Variants in DNHD1 observed in about 807,000 individuals in gnomAD.
DNHD1 encodes dynein heavy chain domain-containing protein 1.
In DNHD1, 383 loss-of-function variants were observed where a neutral mutation model predicts 458.1. That is an observed-to-expected ratio of 0.84 (90% confidence interval 0.77 to 0.91). The LOEUF is 0.91. DNHD1 is among the 40% of genes least tolerant of loss of function. The pLI is 0.00. For synonymous variants in DNHD1, 2,203 were observed against 2,376.9 expected, an observed-to-expected ratio of 0.93 and a Z score of 2.13; for missense variants, 5,336 against 5,866.1, an observed-to-expected ratio of 0.91 and a Z score of 2.95.
At chr11:6,510,735 C>A (rs1026864436) in intron 6 of DNHD1, among the ~76,000 whole-genome samples, 1 of 152,178 alleles carries the variant, frequency 6.6e-6, no homozygotes, top group African/African-American at 2.4e-5. Flanking sequence ...AAATGATGCC[C>A]ATTGTGACCA....
rs1852284481 is a variant in DNHD1 at position 6,509,071 on chromosome 11, A to C, written c.1112A>C (p.Lys371Thr). The C allele has an allele frequency of 6.2e-7, 1 of 1,614,116 alleles. No homozygotes were observed. The highest frequency in any genetic ancestry group is 8.5e-7 in the Non-Finnish European group (1 of 1,180,048). ...TTCTTTAAGTATTGCCTCTTACGCA[A>C]GTCCTTTACCTGGTAGGTAATGACG... Reference protein sequence around the residue: ...IPFFKYCLLRKSFTCWKKNVR... With the variant: ...IPFFKYCLLRTSFTCWKKNVR... Residue 371 changes from lysine to threonine, a missense_variant, in exon 5 of 43, where the codon AAG (lysine) becomes ACG (threonine). Coordinates refer to ENST00000254579, the MANE Select transcript of DNHD1 (RefSeq NM_144666.3).
At position 6,566,353 on chromosome 11, in the gene DNHD1, G is replaced by A. The variant is rs1853696781; in HGVS notation, c.11166G>A (p.Leu3722=). The A allele has an allele frequency of 6.4e-7, 1 of 1,556,800 alleles. No homozygotes were observed. Among genetic ancestry groups the A allele is most frequent in the Non-Finnish European group, 8.7e-7 (1 of 1,149,994 alleles). The change falls in exon 34 of 43, where the codon CTG becomes CTA. Residue 3722 remains leucine (L), a synonymous_variant. Coordinates refer to ENST00000254579, the MANE Select transcript of DNHD1 (RefSeq NM_144666.3). ...SPPQVQPGFC[L]YLSTTLSLCA... is the part of the protein sequence containing the mutation. ...CCCAGGTGCAGCCTGGCTTCTGTCT[G>A]TATCTCAGCACCACCCTCTCCCTCT... is the stretch of plus-strand genomic sequence containing the variant.
intron 24 of DNHD1, among the ~76,000 whole-genome samples, chr11:6,556,095 T>G (rs2134443440): frequency 6.6e-6 from 1 of 152,262 alleles, no homozygotes; most frequent in South Asian, 2.1e-4. Flanking sequence ...AGCCTTAGCC[T>G]CCCAAGTAGA....
In DNHD1 at chr11:6,564,775, C is replaced by A; in HGVS notation, c.10727C>A (p.Ser3576Tyr). ...CCGCTGCCTCTGGAAGAGAATCGATCTTTTGCGCCAGCCCTCACTGAGGGT... is the reference window on the plus strand; with the variant it reads ...CCGCTGCCTCTGGAAGAGAATCGATATTTTGCGCCAGCCCTCACTGAGGGT... The part of the protein sequence containing the change: ...LDPLPLEENR[S>Y]FAPALTEGRG... The change falls in exon 32 of 43, where the codon TCT becomes TAT. Residue 3576 changes from serine (S) to tyrosine (Y), a missense_variant. Physicochemically the swap from Ser to Tyr is moderately radical, Grantham distance 144. Coordinates refer to ENST00000254579, the MANE Select transcript of DNHD1 (RefSeq NM_144666.3). 2 of 1,537,086 alleles carry A rather than the reference C, an allele frequency of 1.3e-6. No individual in the cohort carries two copies. Among genetic ancestry groups the A allele is most frequent in the Admixed American group, 2.0e-5 (1 of 50,226 alleles).
intron 6 of DNHD1, among the ~76,000 whole-genome samples, chr11:6,510,327 C>T (rs1852312424): frequency 6.6e-6 from 1 of 152,150 alleles, no homozygotes; most frequent in Non-Finnish European, 1.5e-5. Context: ...TCAGGTGATC[C>T]ACCCACCTCG....
chr11:6,568,822 C>G lies in DNHD1; in HGVS notation c.12819C>G (p.His4273Gln), dbSNP rs889493166. The change falls in exon 39 of 43, where the codon CAC becomes CAG. Residue 4273 changes from histidine to glutamine, a missense_variant. His to Gln is a conservative substitution (Grantham distance 24, BLOSUM62 0). This residue lies in a region of DNHD1 where 698 missense variants were observed against 664.9 expected (regional missense o/e 1.05). Coordinates refer to ENST00000254579, the MANE Select transcript of DNHD1 (RefSeq NM_144666.3). ...TCCTCCTCCATGGCCTCCTGCTACA[C>G]CGGCAGCTCTATGGAACAAGGCTGC... Reference protein sequence around the residue: ...PLLLLHGLLLHRQLYGTRLQA... With the variant: ...PLLLLHGLLLQRQLYGTRLQA... 1.2e-6 allele frequency: 2 copies of G among 1,612,974 alleles called. No individual in the cohort carries two copies. Among genetic ancestry groups the G allele is most frequent in the African/African-American group, 2.7e-5 (2 of 74,882 alleles).
chr11:6,563,909 C>G lies in DNHD1; in HGVS notation c.10069C>G (p.Leu3357Val), dbSNP rs1451170750. Residue 3357 changes from leucine (L) to valine (V), a missense_variant, in exon 31 of 43, where the codon CTC becomes GTC. By Grantham distance (32) the Leu-to-Val change is conservative (BLOSUM62 1). This residue lies in a region of DNHD1 where 3,932 missense variants were observed against 4,365.6 expected (regional missense o/e 0.90). Coordinates refer to ENST00000254579, the MANE Select transcript of DNHD1 (RefSeq NM_144666.3). ...GCTGCTGCAGCAAGTGGAGGCAACA[C>G]TCACTCGGGAGCAGGCCCGCCTGGG... Reference protein sequence around the residue: ...DLLLQQVEATLTREQARLGYY... With the variant: ...DLLLQQVEATVTREQARLGYY... The G allele has an allele frequency of 3.2e-6, 5 of 1,551,600 alleles. No homozygotes were observed. Among genetic ancestry groups the G allele is most frequent in the Non-Finnish European group, 4.4e-6 (5 of 1,147,014 alleles).
rs150761361 is a variant in DNHD1 at position 6,518,187 on chromosome 11, T to C, written c.1393-1413T>C. 1.8e-3 allele frequency among the ~76,000 whole-genome samples: 269 copies of C among 152,202 alleles called. 9 individuals are homozygous for C. In the East Asian group the frequency reaches 0.048, roughly 27 times the overall value. On this transcript the variant is annotated intron_variant, in intron 7 of 42. Coordinates refer to ENST00000254579, the MANE Select transcript of DNHD1 (RefSeq NM_144666.3). The stretch of plus-strand genomic sequence containing the variant: ...GATCCTCCCACCTCAGCCTCCCGAG[T>C]AGCTGGGACTACAGCAGTTGATACC...
At chr11:6,539,098 T>C in intron 16 of DNHD1, 121 bp from the exon 17 acceptor site, 2 of 723,272 alleles carry the variant, frequency 2.8e-6, no homozygotes, top group Non-Finnish European at 4.7e-6. Context: ...TGTGTTGTGC[T>C]CTGAGATCTG....
At chr11:6,531,454 A>G (rs889663094) in intron 12 of DNHD1, among the ~76,000 whole-genome samples, 1 of 152,212 alleles carries the variant, frequency 6.6e-6, no homozygotes, top group African/African-American at 2.4e-5. Context: ...CCTTTATACC[A>G]TACGGTGTCA....
rs759533207 is a variant in DNHD1 at position 6,511,372 on chromosome 11, TA to T, written c.1337del (p.Lys446ArgfsTer10). On this transcript the variant is annotated frameshift_variant, in exon 7 of 43. Coordinates refer to ENST00000254579, the MANE Select transcript of DNHD1 (RefSeq NM_144666.3). LOFTEE classifies it high-confidence loss of function. ...LQTALAEEKH[K>X]ALRLLHRCLN... ...AGACGGCTCTAGCCGAGGAGAAGCA[TA>T]AGGCTCTACGGCTGCTCCATCGTTG... 6.2e-7 allele frequency: 1 copy of T among 1,614,224 alleles called. No homozygotes were observed. Among genetic ancestry groups the T allele is most frequent in the Admixed American group, 1.7e-5 (1 of 60,036 alleles).
Position 6,570,952 on chromosome 11 carries a change from TCTGGAGG to T in DNHD1, c.13441_13447del (p.Leu4481AlafsTer3), listed in dbSNP as rs368113841. The T allele has an allele frequency of 1.1e-5, 17 of 1,607,958 alleles. No homozygotes were observed. The East Asian group carries it at 3.8e-4, about 36-fold the overall frequency. ...TGCTGGGGCCAAATGCACGGCGGCC[TCTGGAGG>T]GCGTCTTAGAGACCGAGGCTCTAGA... On this transcript the variant is annotated frameshift_variant, in exon 42 of 43. Coordinates refer to ENST00000254579, the MANE Select transcript of DNHD1 (RefSeq NM_144666.3). LOFTEE classifies it high-confidence loss of function.
At chr11:6,512,253 C>A (rs1852353914) in intron 7 of DNHD1, among the ~76,000 whole-genome samples, 1 of 118,448 alleles carries the variant, frequency 8.4e-6, no homozygotes, top group Non-Finnish European at 1.6e-5. Flanking sequence ...CGGAGTCTCG[C>A]TCTGTCACCC....
At chr11:6,539,154 A>C (rs1221074324) in intron 16 of DNHD1, 65 bp from the exon 17 acceptor site, 8 of 1,137,448 alleles carry the variant, frequency 7.0e-6, no homozygotes, top group Non-Finnish European at 1.0e-5. Flanking sequence ...GCTCTGGGAT[A>C]TGGGATATGG....
rs1853229309 is a variant in DNHD1, at chr11:6,546,772, G to C, written c.5833G>C (p.Glu1945Gln). 3 of 1,551,700 alleles carry C rather than the reference G, an allele frequency of 1.9e-6. No homozygotes were observed. Among genetic ancestry groups the C allele is most frequent in the Non-Finnish European group, 2.6e-6 (3 of 1,147,020 alleles). ...LFPSASQVLA[E>Q]PMTYKLMKPL... ...CCCTAGCGCCAGCCAAGTGCTGGCAGAACCTATGACTTACAAGCTGATGAA... is the reference window on the plus strand; with the variant it reads ...CCCTAGCGCCAGCCAAGTGCTGGCACAACCTATGACTTACAAGCTGATGAA... The change falls in exon 21 of 43, where the codon GAA (glutamate) becomes CAA (glutamine). Residue 1945 changes from glutamate to glutamine, a missense_variant. Glu to Gln is a conservative substitution (Grantham distance 29, BLOSUM62 2). Coordinates refer to ENST00000254579, the MANE Select transcript of DNHD1 (RefSeq NM_144666.3).
intron 10 of DNHD1, among the ~76,000 whole-genome samples, chr11:6,521,715 C>G (rs1344135210): frequency 6.6e-6 from 1 of 152,080 alleles, no homozygotes; most frequent in African/African-American, 2.4e-5. Context: ...ATTGAGTAAT[C>G]AAAACCAAAG....
At position 6,548,381 on chromosome 11, in the gene DNHD1, C is replaced by T. The variant is rs1439373657; in HGVS notation, c.7077C>T (p.Gly2359=). 1 of 1,551,568 alleles carries T rather than the reference C, an allele frequency of 6.4e-7. No individual in the cohort carries two copies. The highest frequency in any genetic ancestry group is 8.7e-7 in the Non-Finnish European group (1 of 1,146,984). ...GCAGCCACATCAAAGGAACTTTGGG[C>T]ACCTTTCACCCTTCTATCCAGGTGT... The part of the protein sequence containing the change: ...YLSSHIKGTL[G]TFHPSIQTER... The change falls in exon 23 of 43, where the codon GGC becomes GGT. Residue 2359 remains glycine (G), a synonymous_variant. Coordinates refer to ENST00000254579, the MANE Select transcript of DNHD1 (RefSeq NM_144666.3). The surrounding 1 kb of genome is among the most constrained non-coding windows in gnomAD (Gnocchi z 4.4).
At chr11:6,561,802 A>G (rs1233047877) in intron 28 of DNHD1, among the ~76,000 whole-genome samples, 1 of 152,254 alleles carries the variant, frequency 6.6e-6, no homozygotes, top group East Asian at 1.9e-4. Flanking sequence ...TTGATATAAC[A>G]GCATGTGAAA....
At position 6,529,073 on chromosome 11, in the gene DNHD1, A is replaced by G. The variant is rs1852774613; in HGVS notation, c.2299A>G (p.Lys767Glu). 2 of 1,550,574 alleles carry G rather than the reference A, an allele frequency of 1.3e-6. No homozygotes were observed. The highest frequency in any genetic ancestry group is 1.7e-6 in the Non-Finnish European group (2 of 1,146,930). Residue 767 changes from lysine to glutamate, a missense_variant, in exon 12 of 43, where the codon AAA (lysine) becomes GAA (glutamate). Coordinates refer to ENST00000254579, the MANE Select transcript of DNHD1 (RefSeq NM_144666.3). ...CAGTATGCCTATCGAGTTGCTCACA[A>G]AAGGCGGGTTGCTGCTACTTAGCTG... ...VSSMPIELLT[K>E]GGLLLLSCHD...
Sources: gnomAD v4.1 joint callset for allele counts (sites outside exome capture counted in the v4.1 genomes callset) on GRCh38, gnomAD v4.1.1 for gene constraint, gnomAD v4.1.1 regional missense constraint, Gnocchi (gnomAD v3.1) non-coding constraint, MANE v1.5 for transcripts, NCBI Gene and HGNC (gene_info 2026-07-23, HGNC 2026-07-21) for gene names.